The following DHPS variants were observed in gnomAD, a reference collection of about 807,000 sequenced individuals.
The protein encoded by DHPS is migration-inducing gene 13.
A neutral mutation model predicts 38.7 loss-of-function variants in DHPS; 24 were observed. The observed-to-expected ratio is 0.62, with a 90% CI of 0.45 to 0.87. The LOEUF is 0.87. DHPS is among the 40% of genes least tolerant of loss of function. The pLI, the probability that DHPS is intolerant of heterozygous loss-of-function variation, is 0.00. For missense variants in DHPS, 510 were observed against 497.6 expected (o/e 1.02, Z -0.24); for synonymous variants, 250 against 204.4 (o/e 1.22, Z -1.90).
At chr19:12,675,373 G>A (rs2024543660), downstream of DHPS, 4 of 1,105,942 alleles carry the variant, frequency 3.6e-6, no homozygotes, top group Non-Finnish European at 5.1e-6. Flanking sequence ...ATTTTGCAGT[G>A]TCTAGGAGGC....
At chr19:12,675,083 C>T (rs1381395088), downstream of DHPS, among the ~76,000 whole-genome samples, 1 of 150,794 alleles carries the variant, frequency 6.6e-6, no homozygotes, top group East Asian at 2.0e-4. Flanking sequence ...CACTGCACTC[C>T]AGCCTGGCGA....
At chr19:12,680,455 G>T (rs911393431) in intron 1 of DHPS, 130 bp from the exon 2 acceptor site, 2 of 905,286 alleles carry the variant, frequency 2.2e-6, no homozygotes, top group Non-Finnish European at 1.7e-6. Context: ...TTCTACAGGG[G>T]ACCAAGGAAC....
At chr19:12,672,803 G>GT (rs1239244298), downstream of DHPS, 1 of 1,550,172 alleles carries the variant, frequency 6.5e-7, no homozygotes, top group African/African-American at 1.4e-5. Context: ...CTGGAGCCAT[G>GT]TGAGTGTAGT....
rs769575305 is a variant in DHPS at position 12,680,280 on chromosome 19, C to A, written c.253G>T (p.Ala85Ser). ...EPLSQDEDQHADLTQSRRPLT... is the reference protein window; with the variant it reads ...EPLSQDEDQHSDLTQSRRPLT... ...GGGCGGCGGCTCTGGGTCAGGTCCG[C>A]GTGCTGGTCTTCATCCTGTGACAGT... Residue 85 changes from alanine (A) to serine (S), a missense_variant, in exon 2 of 9, where the codon GCG becomes TCG. Physicochemically the swap from Ala to Ser is moderately conservative, Grantham distance 99. Transcript: ENST00000210060. 1.1e-5 allele frequency: 18 copies of A among 1,614,002 alleles called. No individual in the cohort carries two copies. The African/African-American group carries it at 1.6e-4, about 14-fold the overall frequency.
rs1238091661 is a variant in DHPS at position 12,679,684 on chromosome 19, C to A, written c.530G>T (p.Cys177Phe). ...GGGCATCAGCCAGTCCTCAAACTTGCAGTAATTCTCATTGGGCACCAGCAG... is the reference window on the plus strand; with the variant it reads ...GGGCATCAGCCAGTCCTCAAACTTGAAGTAATTCTCATTGGGCACCAGCAG... ...GNLLVPNENY[C>F]KFEDWLMPIL... The change falls in exon 4 of 9, where the codon TGC (cysteine) becomes TTC (phenylalanine). Residue 177 changes from cysteine to phenylalanine, a missense_variant. By Grantham distance (205) the Cys-to-Phe change is radical. Transcript: ENST00000210060. 6.2e-7 allele frequency: 1 copy of A among 1,614,088 alleles called. No homozygotes were observed.
At chr19:12,679,420 CA>C in intron 5 of DHPS, 36 bp downstream of exon 5, 1 of 1,594,410 alleles carries the variant, frequency 6.3e-7, no homozygotes, top group Non-Finnish European at 8.6e-7. Context: ...TAACACATGC[CA>C]AAGTCTGGCT....
Position 12,677,340 on chromosome 19 carries a change from G to A in DHPS, c.735C>T (p.Ile245=), listed in dbSNP as rs776604750. The A allele has an allele frequency of 1.2e-6, 2 of 1,614,204 alleles. No homozygotes were observed. Among genetic ancestry groups the A allele is most frequent in the East Asian group, 4.5e-5 (2 of 44,880 alleles). The change falls in exon 6 of 9, where the codon ATC becomes ATT. Residue 245 remains isoleucine (I), a synonymous_variant. Transcript: ENST00000210060. ...ALTDGSLGDM[I]FFHSYKNPGL... is the part of the protein sequence containing the mutation. ...CCGGGTTCTTGTAGGAATGGAAGAAGATCATGTCGCCCAGCGAGCCGTCTG... is the reference window on the plus strand; with the variant it reads ...CCGGGTTCTTGTAGGAATGGAAGAAAATCATGTCGCCCAGCGAGCCGTCTG...
rs571047534 is a variant in DHPS at position 12,680,386 on chromosome 19, G to A, written c.208-61C>T. ...CTTAAATCCCAGACTCAGGACTCCAGGTGGGCTCCAGAAACAGATTTCACC... is the reference window on the plus strand; with the variant it reads ...CTTAAATCCCAGACTCAGGACTCCAAGTGGGCTCCAGAAACAGATTTCACC... On this transcript the variant is annotated intron_variant, in intron 1 of 8. Transcript: ENST00000210060. 8.2e-6 allele frequency: 13 copies of A among 1,590,624 alleles called. No homozygotes were observed. In the East Asian group the frequency reaches 1.8e-4, roughly 22 times the overall value.
intron 1 of DHPS, chr19:12,681,200 CA>C: frequency 1.6e-6 from 2 of 1,229,150 alleles, no homozygotes; most frequent in Non-Finnish European, 2.1e-6. Flanking sequence ...CTGGGAAAAG[CA>C]AATCTAAATT....
At chr19:12,675,614 G>A, downstream of DHPS, 1 of 1,604,064 alleles carries the variant, frequency 6.2e-7, no homozygotes, top group South Asian at 1.1e-5. Flanking sequence ...ACCGCCATGG[G>A]AGGCAGCGTC....
At chr19:12,681,000 A>G (rs1301856829) in intron 1 of DHPS, 1 of 505,832 alleles carries the variant, frequency 2.0e-6, no homozygotes, top group Non-Finnish European at 3.0e-6. Flanking sequence ...TGCCCGGCTA[A>G]TTTTTTGCAT....
intron 7 of DHPS, 124 bp from the exon 8 acceptor site, chr19:12,676,266 A>AT (rs1256496431): frequency 7.5e-5 from 92 of 1,226,008 alleles, no homozygotes; most frequent in Non-Finnish European, 9.6e-5. Context: ...CTTCACAGAC[A>AT]TTCGCTCCCA....
rs776604750 is a variant in DHPS at position 12,677,340 on chromosome 19, G to T, written c.735C>A (p.Ile245=). The T allele has an allele frequency of 6.2e-7, 1 of 1,614,204 alleles. No homozygotes were observed. The highest frequency in any genetic ancestry group is 8.5e-7 in the Non-Finnish European group (1 of 1,180,044). Residue 245 remains isoleucine (I), a synonymous_variant, in exon 6 of 9, where the codon ATC becomes ATA. Coordinates refer to ENST00000210060, the MANE Select transcript of DHPS (RefSeq NM_001930.4). ...CCGGGTTCTTGTAGGAATGGAAGAA[G>T]ATCATGTCGCCCAGCGAGCCGTCTG... The part of the protein sequence containing the change: ...ALTDGSLGDM[I]FFHSYKNPGL...
chr19:12,681,320 A>C, intron 1 of DHPS: 1 of 1,127,670 alleles, frequency 8.9e-7, no homozygotes, highest in Non-Finnish European at 1.2e-6. Flanking sequence ...ACCCGCCCCC[A>C]CACCAAGAAT....
chr19:12,681,827 A>C lies in DHPS; in HGVS notation c.-61T>G. 1 of 1,463,902 alleles carries C rather than the reference A, an allele frequency of 6.8e-7. No individual in the cohort carries two copies. Among genetic ancestry groups the C allele is most frequent in the Non-Finnish European group, 9.4e-7 (1 of 1,067,458 alleles). The allele number at this position is 1,463,902 out of a possible 1,614,324, so 90.7% of individuals were successfully genotyped here. ...TAGGCCGGGCTTACGGCGGCCCAGA[A>C]ACGCGTTAAACCCCGACGCGCGCGT... On this transcript the variant is annotated 5_prime_UTR_variant, in exon 1 of 9. Transcript: ENST00000210060.
downstream of DHPS, among the ~76,000 whole-genome samples, chr19:12,674,002 G>T (rs976520458): frequency 1.3e-5 from 2 of 152,176 alleles, no homozygotes; most frequent in African/African-American, 4.8e-5. Flanking sequence ...GCCCAGCTTG[G>T]GCTAGAGAGA....
At chr19:12,681,349 G>C in intron 1 of DHPS, 2 of 1,013,086 alleles carry the variant, frequency 2.0e-6, no homozygotes, top group Non-Finnish European at 2.8e-6. Context: ...GCCTCCTCAG[G>C]TTACCGTACC....
chr19:12,681,449 C>T lies in DHPS; in HGVS notation c.207+111G>A, dbSNP rs1233548133. ...CCGCCTTCCTCCAACTATTGGGCAA[C>T]TCAAATAAAAGACATATCCCCTCCA... On this transcript the variant is annotated intron_variant, in intron 1 of 8. Transcript: ENST00000210060. 3.8e-6 allele frequency: 5 copies of T among 1,313,392 alleles called. No individual in the cohort carries two copies. In the African/African-American group the frequency reaches 5.9e-5, roughly 16 times the overall value. 81.4% of individuals were successfully genotyped at this position (1,313,392 alleles called of 1,614,324 possible). A position where few individuals can be genotyped will look rare whatever the true frequency, so the allele number is the denominator to read the frequency against.
downstream of DHPS, chr19:12,675,569 C>T (rs534249990): frequency 1.8e-5 from 29 of 1,606,152 alleles, no homozygotes; most frequent in South Asian, 4.4e-5. Flanking sequence ...GTGGTGCAGT[C>T]GCTGGCCTAC....
Sources: allele counts gnomAD v4.1 joint callset (sites outside exome capture counted in the v4.1 genomes callset), GRCh38; gene constraint gnomAD v4.1.1; transcripts MANE v1.5; gene names NCBI Gene and HGNC (gene_info 2026-07-23, HGNC 2026-07-21).